ANKRD26: variants seen among roughly 807,000 people sequenced by gnomAD.
ANKRD26 encodes ankyrin repeat domain-containing protein 26.
A neutral mutation model predicts 208.7 loss-of-function variants in ANKRD26; 141 were observed. The observed-to-expected ratio is 0.68, with a 90% CI of 0.59 to 0.78. The LOEUF is 0.78. Among genes scored for constraint, ANKRD26 ranks in the 30% least tolerant of loss-of-function variants. The pLI, the probability that ANKRD26 is intolerant of heterozygous loss-of-function variation, is 0.00. For synonymous variants in ANKRD26, 636 were observed against 660.4 expected, an observed-to-expected ratio of 0.96 and a Z score of 0.57; for missense variants, 1,889 against 1,938.7, an observed-to-expected ratio of 0.97 and a Z score of 0.48.
At position 27,028,923 on chromosome 10, in the gene ANKRD26, A is replaced by C. The variant is rs201679608; in HGVS notation, c.3901T>G (p.Leu1301Val). The change falls in exon 27 of 34, where the codon TTA becomes GTA. Residue 1301 changes from leucine to valine, a missense_variant. Physicochemically the swap from Leu to Val is conservative, Grantham distance 32 (BLOSUM62 1). Around this residue, in one of 3 missense-constraint regions of ANKRD26, gnomAD observed 613 missense variants for 648.2 expected, o/e 0.95. Coordinates refer to ENST00000376087, the MANE Select transcript of ANKRD26 (RefSeq NM_014915.3). ...KQKLEKDNAK[L>V]KVTVKKQMDK... is the part of the protein sequence containing the mutation. ...ATTTGCTTTTTGACTGTAACTTTTAACTTGGCATTATCTTTTTCAAGCCTG... is the reference window on the plus strand; with the variant it reads ...ATTTGCTTTTTGACTGTAACTTTTACCTTGGCATTATCTTTTTCAAGCCTG... The C allele has an allele frequency of 1.5e-5, 24 of 1,612,402 alleles. No homozygotes were observed. In the Admixed American group the frequency reaches 3.3e-4, roughly 22 times the overall value.
At chr10:27,070,214 A>T in intron 9 of ANKRD26, among the ~76,000 whole-genome samples, 1 of 152,028 alleles carries the variant, frequency 6.6e-6, no homozygotes, top group Non-Finnish European at 1.5e-5. Context: ...AGACCAGCCA[A>T]CATAGCAAAA....
chr10:27,014,767 G>T (rs1406405591), intron 30 of ANKRD26, 56 bp from the exon 31 acceptor site: 5 of 1,431,862 alleles, frequency 3.5e-6, no homozygotes, highest in South Asian at 2.4e-5. Flanking sequence ...TAAGACCATG[G>T]TCACCTACTC....
At chr10:26,991,099 A>G (rs561208475), downstream of ANKRD26, among the ~76,000 whole-genome samples, 4 of 152,226 alleles carry the variant, frequency 2.6e-5, no homozygotes, top group East Asian at 7.7e-4. Flanking sequence ...CTCCCCCTCA[A>G]CTAAACAACA....
chr10:26,978,224 G>A (rs2052255066), intron 5 of ANKRD26, among the ~76,000 whole-genome samples: 1 of 152,008 alleles, frequency 6.6e-6, no homozygotes, highest in South Asian at 2.1e-4. Flanking sequence ...GCCGAGGTGG[G>A]TGGATCACCT....
In ANKRD26 at chr10:27,005,488, T is replaced by C; in HGVS notation, c.*102A>G. 2 of 1,539,734 alleles carry C rather than the reference T, an allele frequency of 1.3e-6. No homozygotes were observed. The highest frequency in any genetic ancestry group is 1.7e-6 in the Non-Finnish European group (2 of 1,145,790). On this transcript the variant is annotated 3_prime_UTR_variant, in exon 34 of 34. Coordinates refer to ENST00000376087, the MANE Select transcript of ANKRD26 (RefSeq NM_014915.3). The stretch of plus-strand genomic sequence containing the variant: ...TATATAAATTTTGATCTGACATATA[T>C]GATACAAAAATACGTTCCTTTAATA...
chr10:27,008,958 G>A (rs1435065407), intron 32 of ANKRD26, among the ~76,000 whole-genome samples: 1 of 152,152 alleles, frequency 6.6e-6, no homozygotes, highest in African/African-American at 2.4e-5. Context: ...TCCTGCCTCA[G>A]CCTCCTGAGT....
chr10:26,952,009 G>A, the ANKRD26 span, among the ~76,000 whole-genome samples: 44 of 151,948 alleles, frequency 2.9e-4, no homozygotes, highest in Non-Finnish European at 1.6e-4. Context: ...TATCTCTTTT[G>A]CAGTCTTAAT....
At chr10:27,011,195 T>C (rs554959194) in intron 32 of ANKRD26, among the ~76,000 whole-genome samples, 11 of 152,328 alleles carry the variant, frequency 7.2e-5, no homozygotes, top group East Asian at 1.9e-4. Flanking sequence ...GATATTTTCA[T>C]AATGATACAC....
chr10:27,083,376 T>C (rs983017952), intron 5 of ANKRD26, among the ~76,000 whole-genome samples: 5 of 151,934 alleles, frequency 3.3e-5, no homozygotes, highest in African/African-American at 1.2e-4. Flanking sequence ...AAAAAAAAAT[T>C]TAAGCAAAAC....
intron 9 of ANKRD26, among the ~76,000 whole-genome samples, chr10:27,069,194 C>CAAAA (rs58833937): frequency 1.1e-5 from 1 of 88,122 alleles, no homozygotes; most frequent in Non-Finnish European, 2.1e-5. Context: ...GACGTCGTCT[C>CAAAA]AAAAAAAAAA....
At chr10:26,992,033 T>C (rs1474041741) in intron 5 of ANKRD26, 2 of 152,210 alleles carry the variant, frequency 1.3e-5, no homozygotes, top group African/African-American at 4.8e-5. Flanking sequence ...CAATTTACAT[T>C]GCCAGAGTGA....
intron 25 of ANKRD26, among the ~76,000 whole-genome samples, 200 bp from the exon 26 acceptor site, chr10:27,029,556 A>C (rs2053795909): frequency 6.6e-6 from 1 of 152,226 alleles, no homozygotes; most frequent in South Asian, 2.1e-4. Context: ...GCCTAAAATA[A>C]TACTATCTGG....
At chr10:27,009,328 G>A (rs1318116712) in intron 32 of ANKRD26, among the ~76,000 whole-genome samples, 1 of 152,168 alleles carries the variant, frequency 6.6e-6, no homozygotes, top group Non-Finnish European at 1.5e-5. Context: ...GTTTTGTCCT[G>A]GTTGGTGGGA....
In ANKRD26 at chr10:27,047,695, GTAA is replaced by G. The variant is rs374916773; in HGVS notation, c.1814+1103_1814+1105del. Among the ~76,000 whole-genome samples the G allele has an allele frequency of 3.0e-3, 432 of 143,284 alleles. 2 individuals are homozygous for G. The highest frequency in any genetic ancestry group is 7.6e-3 in the African/African-American group (292 of 38,556). 94.0% of individuals were successfully genotyped at this position (143,284 alleles called of 152,430 possible). ...AGTTGGATTTACCACCAGAAAAACT[GTAA>G]TAATACTACTACTACTACTACTACT... On this transcript the variant is annotated intron_variant, in intron 17 of 33. Transcript: ENST00000376087.
chr10:27,032,644 A>C (rs1463960971), intron 25 of ANKRD26, among the ~76,000 whole-genome samples: 3 of 151,088 alleles, frequency 2.0e-5, no homozygotes, highest in Admixed American at 6.6e-5. Context: ...TCAAAAAAAA[A>C]ACAAAAAACA....
chr10:26,998,596 T>C lies in ANKRD26; in HGVS notation c.563-3449A>G, dbSNP rs74128523. Among the ~76,000 whole-genome samples, 492 of 152,350 alleles carry C rather than the reference T, an allele frequency of 3.2e-3. 4 individuals are homozygous for C. The highest frequency in any genetic ancestry group is 9.6e-3 in the African/African-American group (397 of 41,560). On this transcript the variant is annotated intron_variant, in intron 4 of 5. Coordinates refer to the ANKRD26 transcript ENST00000445828. ...AGCTCAAATTCGTGGGCAAACCCAA[T>C]TGGATCTTTATGGAAGTCAGGAAAT...
intron 17 of ANKRD26, 149 bp from the exon 18 acceptor site, chr10:27,046,672 T>C (rs1276731232): frequency 9.6e-6 from 8 of 830,048 alleles, no homozygotes; most frequent in South Asian, 7.7e-5. Flanking sequence ...TAAAAATAAT[T>C]TTTTATAAAA....
downstream of ANKRD26, among the ~76,000 whole-genome samples, chr10:26,971,704 A>G (rs1228870566): frequency 6.6e-6 from 1 of 151,890 alleles, no homozygotes; most frequent in Non-Finnish European, 1.5e-5. Context: ...GAAAACATAA[A>G]GAATTTCATT....
At chr10:26,972,178 T>A (rs1393117952), downstream of ANKRD26, among the ~76,000 whole-genome samples, 1 of 145,544 alleles carries the variant, frequency 6.9e-6, no homozygotes, top group African/African-American at 2.6e-5. Context: ...GAGCTTGCAG[T>A]GAGCCGAGAT....
Sources: gnomAD v4.1 joint callset for allele counts (sites outside exome capture counted in the v4.1 genomes callset) on GRCh38, gnomAD v4.1.1 for gene constraint, gnomAD v4.1.1 regional missense constraint, MANE v1.5 for transcripts, NCBI Gene and HGNC (gene_info 2026-07-23, HGNC 2026-07-21) for gene names.